The following ARHGAP4 variants were observed in gnomAD, a reference collection of about 807,000 sequenced individuals.
ARHGAP4 encodes the protein Rho GTPase activating protein 4.
ARHGAP4 carries 25 observed loss-of-function variants against 67.6 expected under a neutral mutation model. That is an observed-to-expected ratio of 0.37 (90% CI 0.27 to 0.52). The LOEUF is 0.52. ARHGAP4 is among the 20% of genes least tolerant of loss of function. The pLI is 0.92. For missense variants in ARHGAP4, 804 were observed against 854.6 expected, an observed-to-expected ratio of 0.94 and a Z score of 0.74; for synonymous variants, 448 against 373.7, an observed-to-expected ratio of 1.20 and a Z score of -2.29.
rs1557105206 is a variant in ARHGAP4 at position 153,921,166 on chromosome X, G to A, written c.436-7C>T. On this transcript the variant is annotated splice_polypyrimidine_tract_variant and splice_region_variant and intron_variant, in intron 3 of 21. Transcript: ENST00000350060. ...GCTGCTCCAGATCCCTGCTCTAGAGGCAGAGGCAAGGGTGAGCACGGCACT... is the reference window on the plus strand; with the variant it reads ...GCTGCTCCAGATCCCTGCTCTAGAGACAGAGGCAAGGGTGAGCACGGCACT... The A allele has an allele frequency of 2.5e-6, 3 of 1,198,145 alleles. No individual in the cohort carries two copies. Among genetic ancestry groups the A allele is most frequent in the Admixed American group, 2.2e-5 (1 of 44,812 alleles).
At chrX:153,910,895 A>ACCCCCCCCCCCCCCCC in intron 14 of ARHGAP4, 27 bp downstream of exon 14, 1 of 472,491 alleles carries the variant, frequency 2.1e-6, no homozygotes, top group Non-Finnish European at 2.9e-6. Context: ...CCGAGCCCCC[A>ACCCCCCCCCCCCCCCC]CCCCCGCCCG....
chrX:153,917,945 A>C (rs144154343), intron 7 of ARHGAP4, among the ~76,000 whole-genome samples: 2,277 of 111,958 alleles, frequency 0.02, 76 homozygotes, highest in African/African-American at 0.07. Context: ...GGCGCAGAGG[A>C]GAAGGTTGAC....
chrX:153,918,374 C>T (rs2065069386), intron 7 of ARHGAP4, among the ~76,000 whole-genome samples: 1 of 111,696 alleles, frequency 9.0e-6, no homozygotes. Context: ...GTGACGCCAT[C>T]GGAAGCCCTG....
intron 20 of ARHGAP4, 22 bp downstream of exon 20, chrX:153,909,420 CT>C: frequency 4.3e-6 from 5 of 1,174,480 alleles, no homozygotes; most frequent in East Asian, 3.0e-5. Context: ...GTGTGGCCCC[CT>C]GAGCCCCGTC....
At chrX:153,922,339 G>A in intron 1 of ARHGAP4, 1 of 760,604 alleles carries the variant, frequency 1.3e-6, no homozygotes, top group South Asian at 6.6e-5. Context: ...TCAGGCCCCA[G>A]GGGAAAGGAC....
Position 153,910,555 on chromosome X carries a change from G to A in ARHGAP4, c.1873C>T (p.Pro625Ser). 1.7e-6 allele frequency: 2 copies of A among 1,205,754 alleles called. No individual in the cohort carries two copies. Among genetic ancestry groups the A allele is most frequent in the Non-Finnish European group, 2.2e-6 (2 of 894,187 alleles). The change falls in exon 16 of 22, where the codon CCC becomes TCC. Residue 625 changes from proline (P) to serine (S), a missense_variant. By Grantham distance (74) the Pro-to-Ser change is moderately conservative. This residue lies in a region of ARHGAP4 where 400 missense variants were observed against 348.7 expected (regional missense o/e 1.15). Transcript: ENST00000350060. ...CGCAGAACCACCAGCACCGGCGCGG[G>A]CAGCCGCCACAGCAGGCGGCTCACG... is the stretch of plus-strand genomic sequence containing the variant. ...EHVSRLLWRL[P>S]APVLVVLRYL...
chrX:153,920,065 G>GT (rs1336588386), intron 5 of ARHGAP4, among the ~76,000 whole-genome samples: 1 of 111,936 alleles, frequency 8.9e-6, no homozygotes, highest in East Asian at 2.8e-4. Flanking sequence ...GATTACAGGC[G>GT]TGAGTCACCG....
At position 153,911,519 on chromosome X, in the gene ARHGAP4, G is replaced by C. The variant is rs1447992233; in HGVS notation, c.1543-330C>G. ...CCACTCGTAGGTGTCTGATATTTTTGATGAGGTTTTAGGCAGTGCCTTACG... is the reference window on the plus strand; with the variant it reads ...CCACTCGTAGGTGTCTGATATTTTTCATGAGGTTTTAGGCAGTGCCTTACG... On this transcript the variant is annotated intron_variant, in intron 12 of 21. Transcript: ENST00000350060. Among the ~76,000 whole-genome samples, 6 of 112,047 alleles carry C rather than the reference G, an allele frequency of 5.4e-5. No homozygotes were observed. In the Admixed American group the frequency reaches 5.7e-4, roughly 11 times the overall value.
intron 5 of ARHGAP4, chrX:153,919,791 TA>T: frequency 1.3e-5 from 11 of 827,111 alleles, no homozygotes; most frequent in Middle Eastern, 4.8e-4. Flanking sequence ...ATTTTTTTTT[TA>T]TTTTTTTTTT....
In ARHGAP4 at chrX:153,913,058, G is replaced by T; in HGVS notation, c.1412-7C>A. 1 of 1,190,793 alleles carries T rather than the reference G, an allele frequency of 8.4e-7. No homozygotes were observed. The highest frequency in any genetic ancestry group is 3.0e-5 in the East Asian group (1 of 33,066). ...TCCTGCTCCTCCTTGTCACCTGTGG[G>T]GTGGGAGAACATTGGTCTGCCTCTC... On this transcript the variant is annotated splice_polypyrimidine_tract_variant and splice_region_variant and intron_variant, in intron 10 of 21. Transcript: ENST00000350060.
At chrX:153,913,942 G>A (rs782044275) in intron 7 of ARHGAP4, 63 bp from the exon 8 acceptor site, 10 of 1,029,137 alleles carry the variant, frequency 9.7e-6, no homozygotes, top group African/African-American at 9.2e-5. Context: ...CAAGATCCCC[G>A]GGGCATAAGG....
chrX:153,921,568 G>A (rs2065094803), intron 2 of ARHGAP4, 37 bp downstream of exon 2: 2 of 1,203,737 alleles, frequency 1.7e-6, no homozygotes, highest in African/African-American at 1.7e-5. Flanking sequence ...GCGGAGCTTG[G>A]GCCCTGCCGT....
intron 4 of ARHGAP4, 76 bp downstream of exon 4, chrX:153,921,021 C>T (rs942865760): frequency 1.8e-4 from 196 of 1,108,869 alleles, no homozygotes; most frequent in Middle Eastern, 1.2e-3. Context: ...GATGGTCTGG[C>T]GGTGTTCCTC....
intron 4 of ARHGAP4, 33 bp downstream of exon 4, chrX:153,921,064 T>C (rs191822449): frequency 5.9e-5 from 70 of 1,183,865 alleles, no homozygotes; most frequent in African/African-American, 1.4e-4. Context: ...CCCTGGACCA[T>C]TGGGGCAGGC....
intron 21 of ARHGAP4, 100 bp downstream of exon 21, chrX:153,908,970 G>T: frequency 3.4e-6 from 3 of 895,516 alleles, no homozygotes; most frequent in Non-Finnish European, 4.8e-6. Flanking sequence ...GCCAGGGAGG[G>T]CAACGACTGG....
Position 153,907,468 on chromosome X carries a change from C to T in ARHGAP4, c.*261G>A, listed in dbSNP as rs988984255. 2.8e-6 allele frequency: 1 copy of T among 360,098 alleles called. No individual in the cohort carries two copies. The highest frequency in any genetic ancestry group is 4.8e-6 in the Non-Finnish European group (1 of 206,651). 29.7% of individuals were successfully genotyped at this position (360,098 alleles called of 1,213,427 possible). A position where few individuals can be genotyped will look rare whatever the true frequency, so the allele number is the denominator to read the frequency against. ...CCGCCACCCAGCAGCCACTGATCAGCCTTCCACAAAGCTGCAGAAGAGGGC... is the reference window on the plus strand; with the variant it reads ...CCGCCACCCAGCAGCCACTGATCAGTCTTCCACAAAGCTGCAGAAGAGGGC... On this transcript the variant is annotated 3_prime_UTR_variant, in exon 22 of 22. Transcript: ENST00000350060.
At position 153,910,861 on chromosome X, in the gene ARHGAP4, G is replaced by C; in HGVS notation, c.1682-27C>G. On this transcript the variant is annotated intron_variant, in intron 14 of 21. Coordinates refer to ENST00000350060, the MANE Select transcript of ARHGAP4 (RefSeq NM_001666.5). ...TGCAGATGGGCGAGTGGTGCGGTAG[G>C]GGGAGGAAGCTGGTGACATCTGCCC... is the stretch of plus-strand genomic sequence containing the variant. The C allele has an allele frequency of 1.7e-6, 2 of 1,185,235 alleles. 1 individual carries two copies. Among genetic ancestry groups the C allele is most frequent in the Middle Eastern group, 5.3e-4 (2 of 3,752 alleles).
At chrX:153,913,937 T>C in intron 7 of ARHGAP4, 58 bp from the exon 8 acceptor site, 4 of 1,073,340 alleles carry the variant, frequency 3.7e-6, no homozygotes, top group Non-Finnish European at 5.1e-6. Context: ...GGTGCCAAGA[T>C]CCCCGGGGCA....
At position 153,909,809 on chromosome X, in the gene ARHGAP4, G is replaced by C. The variant is rs1194590478; in HGVS notation, c.2346C>G (p.Asp782Glu). The C allele has an allele frequency of 8.3e-7, 1 of 1,203,147 alleles. No individual in the cohort carries two copies. Among genetic ancestry groups the C allele is most frequent in the Non-Finnish European group, 1.1e-6 (1 of 891,957 alleles). The change falls in exon 19 of 22, where the codon GAC (aspartate) becomes GAG (glutamate). Residue 782 changes from aspartate (D) to glutamate (E), a missense_variant. Transcript: ENST00000350060. ...TGCCGTTGTGCTCCCCCCGCCACCA[G>C]TCGCTCGAGGCCCTCTCGTGCAGCC... ...VLRLHERASS[D>E]WWRGEHNGMR... is the part of the protein sequence containing the mutation.
Sources: allele counts gnomAD v4.1 joint callset (sites outside exome capture counted in the v4.1 genomes callset), GRCh38; gene constraint gnomAD v4.1.1; regional missense constraint gnomAD v4.1.1; transcripts MANE v1.5; gene names NCBI Gene and HGNC (gene_info 2026-07-23, HGNC 2026-07-21).